Variants in RASEF observed in about 807,000 individuals in gnomAD.
The protein encoded by RASEF is RAS and EF-hand domain containing, also known as ras and EF-hand domain-containing protein.
RASEF carries 68 observed loss-of-function variants against 90.1 expected under a neutral mutation model. That is an observed-to-expected ratio of 0.75 (90% CI 0.62 to 0.92). RASEF has a LOEUF of 0.92. RASEF is among the 40% of genes least tolerant of loss of function. The pLI is 0.00. For missense variants in RASEF, 949 were observed against 937.2 expected, an observed-to-expected ratio of 1.01 and a Z score of -0.16; for synonymous variants, 331 against 345.2, an observed-to-expected ratio of 0.96 and a Z score of 0.46.
chr9:82,987,658 T>C (rs1363869682), intron 16 of RASEF, among the ~76,000 whole-genome samples: 2 of 152,178 alleles, frequency 1.3e-5, no homozygotes, highest in Admixed American at 6.5e-5. Flanking sequence ...TGGAGCCATA[T>C]AACTTTAATA....
the RASEF span, among the ~76,000 whole-genome samples, chr9:83,154,015 G>A: frequency 6.6e-6 from 1 of 152,322 alleles, no homozygotes; most frequent in East Asian, 1.9e-4. Flanking sequence ...TTGAGCCCTG[G>A]TTCTGCTACT....
chr9:83,179,444 CTATT>C, the RASEF span, among the ~76,000 whole-genome samples: 1 of 152,230 alleles, frequency 6.6e-6, no homozygotes, highest in South Asian at 2.1e-4. Context: ...CTTTTACACA[CTATT>C]TATTTATATC....
chr9:82,988,098 G>C (rs1431905934), intron 16 of RASEF, among the ~76,000 whole-genome samples: 1 of 152,222 alleles, frequency 6.6e-6, no homozygotes, highest in Non-Finnish European at 1.5e-5. Context: ...CCATCCAGCT[G>C]TTCCCAGCAA....
intron 1 of RASEF, 25 bp from the exon 2 acceptor site, chr9:83,025,946 A>G: frequency 6.5e-7 from 1 of 1,535,774 alleles, no homozygotes; most frequent in Non-Finnish European, 8.8e-7. Flanking sequence ...AATAAAAATT[A>G]AACCAATTAT....
chr9:83,183,310 C>A, the RASEF span, among the ~76,000 whole-genome samples: 1 of 151,022 alleles, frequency 6.6e-6, no homozygotes, highest in East Asian at 1.9e-4. Context: ...TTGTGGAAAA[C>A]AAAATTCCTA....
At chr9:83,004,395 G>T in intron 9 of RASEF, 103 bp downstream of exon 9, 1 of 428,696 alleles carries the variant, frequency 2.3e-6, no homozygotes, top group South Asian at 4.0e-5. Flanking sequence ...ATAAATTAGT[G>T]ACCAAAGTAT....
At chr9:83,198,587 C>T in the RASEF span, among the ~76,000 whole-genome samples, 1 of 152,192 alleles carries the variant, frequency 6.6e-6, no homozygotes, top group Non-Finnish European at 1.5e-5. Context: ...AGAGGACAAA[C>T]AAACTCAGGT....
At chr9:83,117,032 C>T in the RASEF span, among the ~76,000 whole-genome samples, 1 of 152,116 alleles carries the variant, frequency 6.6e-6, no homozygotes, top group Non-Finnish European at 1.5e-5. Flanking sequence ...TACTTCTATG[C>T]CTTATGACAT....
chr9:83,100,680 G>T, the RASEF span, among the ~76,000 whole-genome samples: 1 of 152,116 alleles, frequency 6.6e-6, no homozygotes, highest in Non-Finnish European at 1.5e-5. Context: ...CTAGCTTTGT[G>T]ACCTGTACCA....
the RASEF span, among the ~76,000 whole-genome samples, chr9:83,080,753 C>T: frequency 1.3e-5 from 2 of 152,172 alleles, no homozygotes; most frequent in Middle Eastern, 3.4e-3. Context: ...ATTCTGGTAT[C>T]TCATTAGGTT....
chr9:83,141,012 G>A, the RASEF span, among the ~76,000 whole-genome samples: 4 of 151,924 alleles, frequency 2.6e-5, no homozygotes, highest in South Asian at 6.2e-4. Flanking sequence ...GTGTGGTGGT[G>A]CACACCTGTA....
At chr9:83,019,751 G>A (rs1014726840) in intron 3 of RASEF, among the ~76,000 whole-genome samples, 1 of 152,300 alleles carries the variant, frequency 6.6e-6, no homozygotes, top group African/African-American at 2.4e-5. Context: ...CAATGAAAAA[G>A]AACAAACTAT....
chr9:83,202,485 T>G, the RASEF span, among the ~76,000 whole-genome samples: 1 of 149,674 alleles, frequency 6.7e-6, no homozygotes, highest in Non-Finnish European at 1.5e-5. Context: ...AAAGCAGTAT[T>G]TTTTTTTTGA....
At chr9:83,105,303 A>C in the RASEF span, among the ~76,000 whole-genome samples, 2 of 152,232 alleles carry the variant, frequency 1.3e-5, no homozygotes, top group African/African-American at 4.8e-5. Context: ...TATACTGAGC[A>C]GCACTATGTT....
the RASEF span, among the ~76,000 whole-genome samples, chr9:83,086,778 T>C: frequency 6.6e-6 from 1 of 152,132 alleles, no homozygotes; most frequent in Non-Finnish European, 1.5e-5. Flanking sequence ...GACTGCTGGC[T>C]TCTCCCAGAG....
chr9:83,119,172 A>ATTTTT, the RASEF span, among the ~76,000 whole-genome samples: 3 of 119,414 alleles, frequency 2.5e-5, no homozygotes, highest in Non-Finnish European at 3.5e-5. Flanking sequence ...CATGCGGGCT[A>ATTTTT]TTTTTTTTTT....
chr9:83,002,228 T>C (rs1829053166), intron 9 of RASEF, among the ~76,000 whole-genome samples: 1 of 152,192 alleles, frequency 6.6e-6, no homozygotes, highest in African/African-American at 2.4e-5. Context: ...TGGATATGCT[T>C]AGATGAGAGA....
chr9:83,212,820 G>C, the RASEF span, among the ~76,000 whole-genome samples: 1 of 152,198 alleles, frequency 6.6e-6, no homozygotes, highest in Admixed American at 6.5e-5. Context: ...TCAAGGGAGA[G>C]GCAAAGGGAA....
At chr9:83,093,180 GC>G in the RASEF span, among the ~76,000 whole-genome samples, 2 of 152,202 alleles carry the variant, frequency 1.3e-5, no homozygotes. Context: ...CAATCCTTGA[GC>G]TAGACATAAA....
Sources: gnomAD v4.1 joint callset for allele counts (sites outside exome capture counted in the v4.1 genomes callset) on GRCh38, gnomAD v4.1.1 for gene constraint, MANE v1.5 for transcripts, NCBI Gene and HGNC (gene_info 2026-07-23, HGNC 2026-07-21) for gene names.